The following GCSAML variants were observed in gnomAD, a reference collection of about 807,000 sequenced individuals.
GCSAML encodes germinal center associated signaling and motility like.
A neutral mutation model predicts 13.0 loss-of-function variants in GCSAML; 9 were observed. The ratio of observed to expected loss-of-function variants is 0.69; its 90% confidence interval spans 0.42 to 1.21. GCSAML has a LOEUF of 1.21. GCSAML is among the 50% of genes most tolerant of loss of function. GCSAML has a pLI of 0.00. For synonymous variants in GCSAML, 37 were observed against 52.9 expected (o/e 0.70, Z 1.31); for missense variants, 143 against 153.4 (o/e 0.93, Z 0.36).
intron 2 of GCSAML, among the ~76,000 whole-genome samples, chr1:247,562,157 T>G (rs529847323): frequency 6.6e-6 from 1 of 152,242 alleles, no homozygotes; most frequent in East Asian, 1.9e-4. Context: ...TTACGGGTCA[T>G]AGGTGGAATG....
intron 4 of GCSAML, among the ~76,000 whole-genome samples, chr1:247,566,523 A>G (rs1460140064): frequency 1.3e-5 from 2 of 152,204 alleles, no homozygotes; most frequent in East Asian, 3.9e-4. Context: ...GGTAACAGGC[A>G]TTAGTCACTG....
At chr1:247,522,235 T>C (rs180819158) in intron 1 of GCSAML, among the ~76,000 whole-genome samples, 19,385 of 71,244 alleles carry the variant, frequency 0.27, 2,097 homozygotes, top group East Asian at 0.59. Flanking sequence ...CCAGCCGCCC[T>C]GTCCGGGAGG....
intron 4 of GCSAML, among the ~76,000 whole-genome samples, chr1:247,568,504 TG>T (rs1383251856): frequency 6.6e-6 from 1 of 152,220 alleles, no homozygotes; most frequent in Non-Finnish European, 1.5e-5. Flanking sequence ...GTGTCATTTC[TG>T]AGGCCTCTGT....
intron 1 of GCSAML, among the ~76,000 whole-genome samples, chr1:247,521,670 G>A (rs529891620): frequency 1.5e-4 from 23 of 152,198 alleles, no homozygotes; most frequent in Non-Finnish European, 2.4e-4. Flanking sequence ...ACGGAGTCTC[G>A]TTCACTCAGT....
chr1:247,545,727 A>C (rs1667545691), upstream of GCSAML, among the ~76,000 whole-genome samples: 1 of 152,126 alleles, frequency 6.6e-6, no homozygotes, highest in Non-Finnish European at 1.5e-5. Context: ...AAATTGGGTT[A>C]TGTTTGTTTA....
rs1002759735 is a variant in GCSAML, at chr1:247,575,080, A to G, written c.*698A>G. 5 of 152,352 alleles carry G rather than the reference A, an allele frequency of 3.3e-5. No homozygotes were observed. The highest frequency in any genetic ancestry group is 1.2e-4 in the African/African-American group (5 of 41,450). 9.4% of individuals were successfully genotyped at this position (152,352 alleles called of 1,614,324 possible). ...TGCCAATCAGACAAACTTTGAATCTACCTATGACCTGTAAGCTCTCTCCTG... is the reference window on the plus strand; with the variant it reads ...TGCCAATCAGACAAACTTTGAATCTGCCTATGACCTGTAAGCTCTCTCCTG... On this transcript the variant is annotated 3_prime_UTR_variant, in exon 5 of 5. Transcript: ENST00000366488.
chr1:247,516,266 T>G (rs775118707), intron 1 of GCSAML, among the ~76,000 whole-genome samples: 2 of 152,256 alleles, frequency 1.3e-5, no homozygotes, highest in East Asian at 3.8e-4. Context: ...CAATTTGTAA[T>G]ACTGTGTTGA....
At chr1:247,510,269 G>T (rs1665984061) in intron 1 of GCSAML, among the ~76,000 whole-genome samples, 1 of 152,138 alleles carries the variant, frequency 6.6e-6, no homozygotes, top group Admixed American at 6.5e-5. Flanking sequence ...ATTTCTTCTA[G>T]ATTTTCTGGT....
intron 2 of GCSAML, among the ~76,000 whole-genome samples, chr1:247,534,402 A>G (rs2103010596): frequency 6.6e-6 from 1 of 152,300 alleles, no homozygotes. Context: ...GCAGAGTGGA[A>G]GGACTCAGCA....
chr1:247,573,276 T>C (rs1668697415), intron 4 of GCSAML, among the ~76,000 whole-genome samples: 1 of 152,202 alleles, frequency 6.6e-6, no homozygotes, highest in Admixed American at 6.5e-5. Context: ...AGTTTTGTGC[T>C]TGAAACCCAG....
In GCSAML at chr1:247,574,289, G is replaced by C. The variant is rs1241389141; in HGVS notation, c.315G>C (p.Arg105Ser). 9 of 1,613,976 alleles carry C rather than the reference G, an allele frequency of 5.6e-6. No homozygotes were observed. The highest frequency in any genetic ancestry group is 7.6e-6 in the Non-Finnish European group (9 of 1,180,016). The part of the protein sequence containing the change: ...LTRKVRQFRE[R>S]SETEYALLRT... Reference sequence around the variant, plus strand: ...GGAAAGTGAGACAGTTTAGAGAAAGGTCAGAGACAGAATATGCCCTTCTTA... The same window carrying C: ...GGAAAGTGAGACAGTTTAGAGAAAGCTCAGAGACAGAATATGCCCTTCTTA... Residue 105 changes from arginine (R) to serine (S), a missense_variant, in exon 5 of 5, where the codon AGG (arginine) becomes AGC (serine). By Grantham distance (110) the Arg-to-Ser change is moderately radical. Coordinates refer to ENST00000366488, the MANE Select transcript of GCSAML (RefSeq NM_145278.5).
chr1:247,539,256 A>G (rs1264428697), intron 2 of GCSAML, among the ~76,000 whole-genome samples: 1 of 152,218 alleles, frequency 6.6e-6, no homozygotes, highest in Non-Finnish European at 1.5e-5. Flanking sequence ...GCTCAAATAT[A>G]GTCAAACTTC....
At chr1:247,550,461 C>T (rs1316180627) in intron 1 of GCSAML, among the ~76,000 whole-genome samples, 1 of 152,098 alleles carries the variant, frequency 6.6e-6, no homozygotes, top group African/African-American at 2.4e-5. Context: ...CACGGTGAAA[C>T]TCCGTCTCTA....
At position 247,538,851 on chromosome 1, in the gene GCSAML, T is replaced by G. The variant is rs557766858; in HGVS notation, c.-147-10194T>G. On this transcript the variant is annotated intron_variant, in intron 2 of 5. Coordinates refer to the GCSAML transcript ENST00000366489. ...CAGTTTGTGGTGTTTTGTTATGATATCTCGACCTGCCTAATACAGATGGCT... is the reference window on the plus strand; with the variant it reads ...CAGTTTGTGGTGTTTTGTTATGATAGCTCGACCTGCCTAATACAGATGGCT... 5.8e-4 allele frequency: 255 copies of G among 437,752 alleles called. 2 individuals carry two copies. The highest frequency in any genetic ancestry group is 4.1e-3 in the South Asian group (249 of 60,380). The allele number at this position is 437,752 out of a possible 1,614,324, so 27.1% of individuals were successfully genotyped here.
At chr1:247,557,301 G>C (rs990455734) in intron 2 of GCSAML, among the ~76,000 whole-genome samples, 4 of 151,992 alleles carry the variant, frequency 2.6e-5, no homozygotes, top group African/African-American at 9.7e-5. Flanking sequence ...CGTCACTTCT[G>C]TTTCACTTGC....
intron 1 of GCSAML, among the ~76,000 whole-genome samples, chr1:247,552,938 T>A (rs1489471958): frequency 6.6e-6 from 1 of 152,100 alleles, no homozygotes; most frequent in Non-Finnish European, 1.5e-5. Flanking sequence ...GTATTTTTAG[T>A]GGAGACGGGG....
chr1:247,555,485 A>T (rs1667916986), intron 1 of GCSAML, among the ~76,000 whole-genome samples: 1 of 152,242 alleles, frequency 6.6e-6, no homozygotes, highest in Non-Finnish European at 1.5e-5. Context: ...TATATTTAAC[A>T]AATATATTCT....
Position 247,549,152 on chromosome 1 carries a change from G to T in GCSAML, c.-40G>T. The T allele has an allele frequency of 2.5e-6, 4 of 1,614,128 alleles. No homozygotes were observed. Among genetic ancestry groups the T allele is most frequent in the Non-Finnish European group, 3.4e-6 (4 of 1,179,990 alleles). On this transcript the variant is annotated 5_prime_UTR_variant, in exon 1 of 5. Transcript: ENST00000366488. ...TTTGGTCAGAACTTCCCCAAGTGGA[G>T]TGAAACTCAGGAGCTGAGAAACCGA...
upstream of GCSAML, among the ~76,000 whole-genome samples, chr1:247,548,838 C>G (rs1358012343): frequency 6.6e-6 from 1 of 152,156 alleles, no homozygotes; most frequent in African/African-American, 2.4e-5. The surrounding 1 kb of genome is among the most constrained non-coding windows in gnomAD (Gnocchi z 5.3). Flanking sequence ...TACCTTGTTT[C>G]GTCTTGCAAT....
Sources: gnomAD v4.1 joint callset for allele counts (sites outside exome capture counted in the v4.1 genomes callset) on GRCh38, gnomAD v4.1.1 for gene constraint, Gnocchi (gnomAD v3.1) non-coding constraint, MANE v1.5 for transcripts, NCBI Gene and HGNC (gene_info 2026-07-23, HGNC 2026-07-21) for gene names.